ABLIM2: variants seen among roughly 807,000 people sequenced by gnomAD.
ABLIM2 encodes actin-binding LIM protein 2.
In ABLIM2, 53 loss-of-function variants were observed where a neutral mutation model predicts 97.7. The ratio of observed to expected loss-of-function variants is 0.54; its 90% CI spans 0.44 to 0.68. The LOEUF is 0.68. ABLIM2 is among the 30% of genes least tolerant of loss of function. The pLI is 0.00. For missense variants in ABLIM2, 835 were observed against 867.2 expected, an observed-to-expected ratio of 0.96 and a Z score of 0.47; for synonymous variants, 361 against 345.8, an observed-to-expected ratio of 1.04 and a Z score of -0.49.
chr4:8,143,728 G>C (rs1404284121), intron 1 of ABLIM2, among the ~76,000 whole-genome samples: 1 of 152,136 alleles, frequency 6.6e-6, no homozygotes, highest in African/African-American at 2.4e-5. Flanking sequence ...TGCTCCTGGA[G>C]GGAAGAACTG....
chr4:8,098,288 T>G (rs1303849777), intron 2 of ABLIM2, among the ~76,000 whole-genome samples: 1 of 152,198 alleles, frequency 6.6e-6, no homozygotes, highest in Non-Finnish European at 1.5e-5. Context: ...AGGAAGGGCT[T>G]TGAGAAACCA....
chr4:7,980,517 A>C (rs1361142528), intron 20 of ABLIM2, among the ~76,000 whole-genome samples: 1 of 152,038 alleles, frequency 6.6e-6, no homozygotes, highest in East Asian at 1.9e-4. Context: ...GAGTTTGAGA[A>C]CAGCCTGGCC....
chr4:8,041,436 T>C (rs1012592347), intron 9 of ABLIM2: 2 of 152,200 alleles, frequency 1.3e-5, no homozygotes, highest in African/African-American at 4.8e-5. Context: ...GGAAAAAACC[T>C]AAGCCTCGGA....
intron 1 of ABLIM2, among the ~76,000 whole-genome samples, chr4:8,133,163 G>A (rs1016711750): frequency 1.2e-4 from 19 of 152,146 alleles, no homozygotes; most frequent in Non-Finnish European, 2.9e-5. Context: ...TCCTCCCTGC[G>A]TGAGTTCACA....
intron 1 of ABLIM2, among the ~76,000 whole-genome samples, chr4:8,157,220 G>A (rs997604059): frequency 1.3e-5 from 2 of 152,100 alleles, no homozygotes; most frequent in Non-Finnish European, 1.5e-5. Context: ...AGATGCAGAG[G>A]AGAGATGCCA....
At chr4:8,134,467 C>A (rs979605261) in intron 1 of ABLIM2, among the ~76,000 whole-genome samples, 1 of 152,220 alleles carries the variant, frequency 6.6e-6, no homozygotes, top group African/African-American at 2.4e-5. Context: ...CGGCCCAGCC[C>A]CCGTCGGCAA....
chr4:8,042,458 C>G (rs1789332812), intron 9 of ABLIM2, among the ~76,000 whole-genome samples: 1 of 152,232 alleles, frequency 6.6e-6, no homozygotes, highest in African/African-American at 2.4e-5. Context: ...GACGGCCCTG[C>G]TGTTTCCCCA....
intron 6 of ABLIM2, among the ~76,000 whole-genome samples, chr4:8,076,444 A>G (rs542077414): frequency 2.0e-4 from 31 of 152,044 alleles, no homozygotes; most frequent in African/African-American, 6.5e-4. Context: ...AGCCAGTGGG[A>G]GCTCTCTAAA....
In ABLIM2 at chr4:8,130,881, C is replaced by T. The variant is rs371592485; in HGVS notation, c.11-24244G>A. On this transcript the variant is annotated intron_variant, in intron 1 of 20. Coordinates refer to ENST00000447017, the MANE Select transcript of ABLIM2 (RefSeq NM_001130083.2). The surrounding 1 kb of genome is among the most constrained non-coding windows in gnomAD (Gnocchi z 4.2). ...TCCTTGCCTTGCCTGGCTGCTGGGG[C>T]GGCCTGCATTTCCTGACTTGTGGAC... is the stretch of plus-strand genomic sequence containing the variant. Among the ~76,000 whole-genome samples, 124 of 152,288 alleles carry T rather than the reference C, an allele frequency of 8.1e-4. No homozygotes were observed. In the East Asian group the frequency reaches 0.021, roughly 26 times the overall value.
chr4:8,117,794 G>T (rs996180978), intron 1 of ABLIM2, among the ~76,000 whole-genome samples: 3 of 152,068 alleles, frequency 2.0e-5, no homozygotes, highest in Admixed American at 6.6e-5. Flanking sequence ...ATTCAAGCAG[G>T]GTGTCCTGGC....
chr4:7,981,593 A>G (rs1024643368), intron 20 of ABLIM2, among the ~76,000 whole-genome samples: 33 of 152,140 alleles, frequency 2.2e-4, no homozygotes, highest in Admixed American at 2.0e-3. Flanking sequence ...GACACAGTAA[A>G]TTCCTTCTCT....
chr4:8,106,338 T>A (rs963673821), intron 2 of ABLIM2, among the ~76,000 whole-genome samples, 156 bp downstream of exon 2: 2 of 152,146 alleles, frequency 1.3e-5, no homozygotes, highest in Non-Finnish European at 2.9e-5. Context: ...AAGGCTATGT[T>A]GAAAAGATCC....
chr4:8,125,908 G>A lies in ABLIM2; in HGVS notation c.11-19271C>T, dbSNP rs542963190. ...GTGCGTGGGCAGCCTTGGGGGACCC[G>A]CCGCTTTTGGGAACACACCTGCATG... On this transcript the variant is annotated intron_variant, in intron 1 of 20. Coordinates refer to ENST00000447017, the MANE Select transcript of ABLIM2 (RefSeq NM_001130083.2). This position sits in a 1 kb window ranked among gnomAD's most constrained non-coding sequence, Gnocchi z 6.2. Among the ~76,000 whole-genome samples the A allele has an allele frequency of 2.6e-5, 4 of 152,304 alleles. No individual in the cohort carries two copies. The highest frequency in any genetic ancestry group is 4.4e-5 in the Non-Finnish European group (3 of 68,020).
chr4:8,027,923 C>T (rs1240472590), intron 11 of ABLIM2, 66 bp from the exon 12 acceptor site: 1 of 1,121,174 alleles, frequency 8.9e-7, no homozygotes, highest in African/African-American at 1.6e-5. Context: ...ACACATATTC[C>T]TCATCCCCAC....
In ABLIM2 at chr4:8,069,152, T is replaced by C. The variant is rs1577094484; in HGVS notation, c.676-8098A>G. Among the ~76,000 whole-genome samples, 1 of 152,248 alleles carries C rather than the reference T, an allele frequency of 6.6e-6. No individual in the cohort carries two copies. Among genetic ancestry groups the C allele is most frequent in the East Asian group, 1.9e-4 (1 of 5,196 alleles). ...CCTCTTCCTCTCTACCCAGCTCCCGTTAAGGCGTGAGCCTCAGGAGCGCTT... is the reference window on the plus strand; with the variant it reads ...CCTCTTCCTCTCTACCCAGCTCCCGCTAAGGCGTGAGCCTCAGGAGCGCTT... On this transcript the variant is annotated intron_variant, in intron 6 of 20. Coordinates refer to ENST00000447017, the MANE Select transcript of ABLIM2 (RefSeq NM_001130083.2). This position sits in a 1 kb window ranked among gnomAD's most constrained non-coding sequence, Gnocchi z 4.2.
chr4:8,096,446 C>T (rs1236585595), intron 3 of ABLIM2, among the ~76,000 whole-genome samples: 2 of 152,154 alleles, frequency 1.3e-5, no homozygotes, highest in Non-Finnish European at 2.9e-5. Flanking sequence ...ACTCAGGTCA[C>T]GCTACGATGA....
In ABLIM2 at chr4:8,015,451, T is replaced by C. The variant is rs981187502; in HGVS notation, c.1423+4167A>G. Among the ~76,000 whole-genome samples the C allele has an allele frequency of 4.0e-5, 6 of 151,780 alleles. No homozygotes were observed. Among genetic ancestry groups the C allele is most frequent in the Non-Finnish European group, 7.4e-5 (5 of 67,942 alleles). On this transcript the variant is annotated intron_variant, in intron 14 of 20. Transcript: ENST00000447017. The surrounding 1 kb of genome is among the most constrained non-coding windows in gnomAD (Gnocchi z 4.6). ...GGACACAGCCTGCCGTTCCTCCCCA[T>C]CCCGCCGGTCCCCAAACCAAAATGA...
rs1848520822 is a variant in ABLIM2, at chr4:8,127,451, C to G, written c.11-20814G>C. The G allele has an allele frequency of 6.3e-6, 8 of 1,266,282 alleles. No homozygotes were observed. The highest frequency in any genetic ancestry group is 5.7e-5 in the East Asian group (1 of 17,654). 78.4% of individuals were successfully genotyped at this position (1,266,282 alleles called of 1,614,324 possible). ...TCCCACCAGACCCCTGAAGCTGATT[C>G]ATGGAGCTCACAGCTCCCAGTCCCC... On this transcript the variant is annotated intron_variant, in intron 1 of 20. Transcript: ENST00000447017. This position sits in a 1 kb window ranked among gnomAD's most constrained non-coding sequence, Gnocchi z 7.3.
At chr4:8,105,976 T>C (rs1837215707) in intron 2 of ABLIM2, among the ~76,000 whole-genome samples, 1 of 152,092 alleles carries the variant, frequency 6.6e-6, no homozygotes, top group Non-Finnish European at 1.5e-5. Flanking sequence ...CTTTTCAGGA[T>C]GATTGGAATT....
Sources: gnomAD v4.1 joint callset for allele counts (sites outside exome capture counted in the v4.1 genomes callset) on GRCh38, gnomAD v4.1.1 for gene constraint, Gnocchi (gnomAD v3.1) non-coding constraint, MANE v1.5 for transcripts, NCBI Gene and HGNC (gene_info 2026-07-23, HGNC 2026-07-21) for gene names.